The following N4BP1 variants were observed in gnomAD, a reference collection of about 807,000 sequenced individuals.
N4BP1 encodes NEDD4-binding protein 1.
N4BP1 carries 21 observed loss-of-function variants against 70.9 expected under a neutral mutation model. The observed-to-expected ratio is 0.30, with a 90% CI of 0.21 to 0.43. The LOEUF (loss-of-function observed/expected upper bound fraction) is 0.43, where lower values mean the gene tolerates loss of function less well. Ranked by LOEUF, N4BP1 falls within the 20% of genes least tolerant of loss-of-function variation. The pLI is 1.00. For missense variants in N4BP1, 936 were observed against 1,069.4 expected, an observed-to-expected ratio of 0.88 and a Z score of 1.74; for synonymous variants, 387 against 394.6, an observed-to-expected ratio of 0.98 and a Z score of 0.23.
intron 1 of N4BP1, among the ~76,000 whole-genome samples, chr16:48,599,819 C>T (rs1400150330): frequency 6.6e-6 from 1 of 152,170 alleles, no homozygotes; most frequent in African/African-American, 2.4e-5. Context: ...ACCTCTTCTT[C>T]CATCCTTCCT....
intron 1 of N4BP1, among the ~76,000 whole-genome samples, chr16:48,592,603 A>G (rs115631891): frequency 0.014 from 2,064 of 152,354 alleles, 42 homozygotes; most frequent in African/African-American, 0.047. Context: ...ATAAGCACTT[A>G]AATCAGATAT....
At position 48,561,853 on chromosome 16, in the gene N4BP1, C is replaced by T; in HGVS notation, c.790G>A (p.Asp264Asn). Residue 264 changes from aspartate (D) to asparagine (N), a missense_variant, in exon 2 of 7, where the codon GAT (aspartate) becomes AAT (asparagine). Asp to Asn is a conservative substitution (Grantham distance 23). Around this residue, in one of 4 missense-constraint regions of N4BP1, gnomAD observed 515 missense variants for 491.7 expected, o/e 1.05. Coordinates refer to ENST00000262384, the MANE Select transcript of N4BP1 (RefSeq NM_153029.4). ...TCTGGGGTTAGACCATTTATTGGAT[C>T]AAAAAGCACATCTGGTGAGCTAGAA... ...VLSSSPDVLF[D>N]PINGLTPDEE... The T allele has an allele frequency of 6.2e-7, 1 of 1,613,830 alleles. No homozygotes were observed. Among genetic ancestry groups the T allele is most frequent in the East Asian group, 2.2e-5 (1 of 44,872 alleles).
Position 48,560,970 on chromosome 16 carries a change from C to T in N4BP1, c.1673G>A (p.Cys558Tyr), listed in dbSNP as rs1963845939. Residue 558 changes from cysteine to tyrosine, a missense_variant, in exon 2 of 7, where the codon TGC becomes TAC. Coordinates refer to ENST00000262384, the MANE Select transcript of N4BP1 (RefSeq NM_153029.4). ...CCSSPHSKPNCSTLSPPMPLP... is the reference protein window; with the variant it reads ...CCSSPHSKPNYSTLSPPMPLP... ...TGGCATTGGTGGAGAAAGGGTTGAG[C>T]AATTTGGCTTAGAATGAGGAGAACT... 2 of 1,613,862 alleles carry T rather than the reference C, an allele frequency of 1.2e-6. No individual in the cohort carries two copies. The highest frequency in any genetic ancestry group is 1.6e-4 in the Middle Eastern group (1 of 6,084).
At chr16:48,577,317 T>C (rs1964108395) in intron 1 of N4BP1, among the ~76,000 whole-genome samples, 1 of 152,072 alleles carries the variant, frequency 6.6e-6, no homozygotes, top group African/African-American at 2.4e-5. Context: ...CAGTTTTTGT[T>C]TTTTTTGTGT....
At position 48,540,393 on chromosome 16, in the gene N4BP1, C is replaced by G. The variant is rs575198901; in HGVS notation, c.*2511G>C. The G allele has an allele frequency of 1.2e-4, 18 of 152,532 alleles. No homozygotes were observed. The highest frequency in any genetic ancestry group is 4.1e-4 in the African/African-American group (17 of 41,580). 9.4% of individuals were successfully genotyped at this position (152,532 alleles called of 1,614,324 possible). The stretch of plus-strand genomic sequence containing the variant: ...CTCCCTTCTTCACTGGTCTCAAAAG[C>G]CACCCAGGCCCAAGTCCCGGCCAGA... On this transcript the variant is annotated 3_prime_UTR_variant, in exon 7 of 7. Transcript: ENST00000262384.
At chr16:48,602,993 C>G (rs749772034) in intron 1 of N4BP1, among the ~76,000 whole-genome samples, 9 of 151,754 alleles carry the variant, frequency 5.9e-5, no homozygotes, top group Non-Finnish European at 1.3e-4. Context: ...CACACACACA[C>G]GCACGCACAC....
intron 1 of N4BP1, among the ~76,000 whole-genome samples, chr16:48,570,890 C>A (rs1270294107): frequency 1.3e-5 from 2 of 152,138 alleles, no homozygotes; most frequent in Non-Finnish European, 2.9e-5. Flanking sequence ...GCACTGAGTT[C>A]AAGTGATTCT....
At chr16:48,544,170 T>G (rs1963555641) in intron 6 of N4BP1, among the ~76,000 whole-genome samples, 1 of 152,180 alleles carries the variant, frequency 6.6e-6, no homozygotes, top group African/African-American at 2.4e-5. Flanking sequence ...ATTCTCTTCA[T>G]GTGGGTAGAA....
chr16:48,560,574 C>T (rs760585720), intron 2 of N4BP1, 180 bp downstream of exon 2: 5 of 658,594 alleles, frequency 7.6e-6, no homozygotes, highest in Admixed American at 3.5e-5. Flanking sequence ...TTCATGAATC[C>T]AGAAGATGGA....
At position 48,562,386 on chromosome 16, in the gene N4BP1, T is replaced by C; in HGVS notation, c.257A>G (p.Asp86Gly). The change falls in exon 2 of 7, where the codon GAC becomes GGC. Residue 86 changes from aspartate to glycine, a missense_variant. By Grantham distance (94) the Asp-to-Gly change is moderately conservative. This residue lies in a region of N4BP1 where 187 missense variants were observed against 217.1 expected (regional missense o/e 0.86). Transcript: ENST00000262384. ...ELEERECYPKDMHCIFVGAES... is the reference protein window; with the variant it reads ...ELEERECYPKGMHCIFVGAES... Reference sequence around the variant, plus strand: ...TGCCCCAACAAAAATGCAGTGCATGTCCTTGGGGTAACATTCTCTTTCTTC... The same window carrying C: ...TGCCCCAACAAAAATGCAGTGCATGCCCTTGGGGTAACATTCTCTTTCTTC... The C allele has an allele frequency of 6.2e-7, 1 of 1,613,646 alleles. No homozygotes were observed. Among genetic ancestry groups the C allele is most frequent in the South Asian group, 1.1e-5 (1 of 91,006 alleles).
intron 2 of N4BP1, chr16:48,560,448 A>C: frequency 4.3e-6 from 1 of 233,276 alleles, no homozygotes; most frequent in Non-Finnish European, 8.3e-6. Flanking sequence ...CACAATATTA[A>C]GAATTTAATG....
At chr16:48,559,381 C>A (rs1030627097) in intron 2 of N4BP1, among the ~76,000 whole-genome samples, 2 of 152,150 alleles carry the variant, frequency 1.3e-5, no homozygotes, top group African/African-American at 2.4e-5. Context: ...GATTTGGCAA[C>A]TTCTCTCTCA....
chr16:48,543,284 G>A (rs757944879), intron 6 of N4BP1, 23 bp from the exon 7 acceptor site: 6 of 1,482,818 alleles, frequency 4.0e-6, no homozygotes, highest in Non-Finnish European at 5.4e-6. Context: ...GTGAGTCCTG[G>A]TGAGTTGGGT....
rs1735550838 is a variant in N4BP1 at position 48,539,683 on chromosome 16, T to A, written c.*3221A>T. 1.3e-5 allele frequency: 2 copies of A among 152,204 alleles called. No individual in the cohort carries two copies. The highest frequency in any genetic ancestry group is 1.3e-4 in the Admixed American group (2 of 15,274). 9.4% of individuals were successfully genotyped at this position (152,204 alleles called of 1,614,324 possible). ...CCGGGTCATGCCCGGTAACCTACAT[T>A]CTTAACACCAGCTGCCCTCTCCACC... On this transcript the variant is annotated 3_prime_UTR_variant, in exon 7 of 7. Transcript: ENST00000262384.
intron 1 of N4BP1, chr16:48,600,419 G>T: frequency 1.1e-5 from 7 of 652,714 alleles, no homozygotes; most frequent in Non-Finnish European, 1.1e-5. Context: ...GAGAGCTATG[G>T]AATAAAACTA....
Position 48,609,789 on chromosome 16 carries a change from C to T in N4BP1, c.184G>A (p.Val62Met). The T allele has an allele frequency of 6.8e-7, 1 of 1,461,180 alleles. No homozygotes were observed. The highest frequency in any genetic ancestry group is 9.0e-7 in the Non-Finnish European group (1 of 1,109,818). 90.5% of individuals were successfully genotyped at this position (1,461,180 alleles called of 1,614,324 possible). A position where few individuals can be genotyped will look rare whatever the true frequency, so the allele number is the denominator to read the frequency against. Reference sequence around the variant, plus strand: ...GCCGGACTCACCTTGGCGCTGTGCACCGCCTCCTGCGCCCCGCAGAGCTGC... The same window carrying T: ...GCCGGACTCACCTTGGCGCTGTGCATCGCCTCCTGCGCCCCGCAGAGCTGC... Reference protein sequence around the residue: ...WLQLCGAQEAVHSAKEYIKGI... With the variant: ...WLQLCGAQEAMHSAKEYIKGI... The change falls in exon 1 of 7, where the codon GTG (valine) becomes ATG (methionine). Residue 62 changes from valine to methionine, a missense_variant. Physicochemically the swap from Val to Met is conservative, Grantham distance 21. Coordinates refer to ENST00000262384, the MANE Select transcript of N4BP1 (RefSeq NM_153029.4).
chr16:48,606,000 C>G (rs1237043775), intron 1 of N4BP1, among the ~76,000 whole-genome samples: 1 of 152,178 alleles, frequency 6.6e-6, no homozygotes, highest in East Asian at 1.9e-4. Flanking sequence ...TACAGAAACA[C>G]CTTGCACACA....
intron 1 of N4BP1, among the ~76,000 whole-genome samples, chr16:48,598,339 C>A (rs556491945): frequency 6.6e-6 from 1 of 152,066 alleles, no homozygotes; most frequent in African/African-American, 2.4e-5. Flanking sequence ...CTAATAAAAA[C>A]ATTAATTAAC....
rs201167088 is a variant in N4BP1, at chr16:48,594,012, A to C, written c.198+15763T>G. 1.5e-3 allele frequency among the ~76,000 whole-genome samples: 222 copies of C among 150,900 alleles called. 2 individuals are homozygous for C. Among genetic ancestry groups the C allele is most frequent in the East Asian group, 2.3e-3 (12 of 5,160 alleles). On this transcript the variant is annotated intron_variant, in intron 1 of 6. Transcript: ENST00000262384. ...GCAAGACTCCGTCTCAAAAAAAAAA[A>C]AAAAAACAAAAAAAAAACCACCTAG...
Sources: gnomAD v4.1 joint callset for allele counts (sites outside exome capture counted in the v4.1 genomes callset) on GRCh38, gnomAD v4.1.1 for gene constraint, gnomAD v4.1.1 regional missense constraint, MANE v1.5 for transcripts, NCBI Gene and HGNC (gene_info 2026-07-23, HGNC 2026-07-21) for gene names.